Variants in MARK1 observed in about 807,000 individuals in gnomAD.
MARK1 encodes the protein serine/threonine-protein kinase MARK1.
MARK1 carries 40 observed loss-of-function variants against 96.3 expected under a neutral mutation model. That is an observed-to-expected ratio of 0.42 (90% CI 0.32 to 0.54). The LOEUF (loss-of-function observed/expected upper bound fraction) is 0.54, where lower values mean the gene tolerates loss of function less well. Among genes scored for constraint, MARK1 ranks in the 20% least tolerant of loss-of-function variants. The pLI is 0.16. For missense variants in MARK1, 719 were observed against 984.6 expected (o/e 0.73, Z 3.61); for synonymous variants, 317 against 341.2 (o/e 0.93, Z 0.78).
intron 1 of MARK1, among the ~76,000 whole-genome samples, chr1:220,574,559 G>C (rs1215410260): frequency 6.6e-6 from 1 of 152,074 alleles, no homozygotes; most frequent in Non-Finnish European, 1.5e-5. Context: ...TTTGCCCCCA[G>C]CTCGAAACTG....
intron 1 of MARK1, among the ~76,000 whole-genome samples, chr1:220,535,436 G>C (rs1660619235): frequency 6.6e-6 from 1 of 151,888 alleles, no homozygotes; most frequent in East Asian, 1.9e-4. Flanking sequence ...TTTAAATCAA[G>C]TTTGCATATA....
At chr1:220,584,885 T>C (rs943689221) in intron 3 of MARK1, among the ~76,000 whole-genome samples, 2 of 152,230 alleles carry the variant, frequency 1.3e-5, no homozygotes, top group Non-Finnish European at 2.9e-5. Flanking sequence ...ATATACATGC[T>C]ATATAGCATA....
intron 6 of MARK1, among the ~76,000 whole-genome samples, chr1:220,607,869 T>C (rs1666181202): frequency 6.6e-6 from 1 of 152,200 alleles, no homozygotes; most frequent in African/African-American, 2.4e-5. Flanking sequence ...TTGATTTGCG[T>C]ATATTGAACT....
At chr1:220,590,118 C>T (rs1664887571) in intron 3 of MARK1, among the ~76,000 whole-genome samples, 1 of 152,220 alleles carries the variant, frequency 6.6e-6, no homozygotes, top group Admixed American at 6.5e-5. Context: ...ATGCAGAAAA[C>T]TCTGCCATTA....
At chr1:220,568,943 A>G (rs968230762) in intron 1 of MARK1, among the ~76,000 whole-genome samples, 1 of 152,154 alleles carries the variant, frequency 6.6e-6, no homozygotes, top group Non-Finnish European at 1.5e-5. Context: ...TTCTAGCCCA[A>G]GGATTGTGGG....
At chr1:220,549,623 C>T (rs1017661327) in intron 1 of MARK1, among the ~76,000 whole-genome samples, 1 of 152,096 alleles carries the variant, frequency 6.6e-6, no homozygotes, top group East Asian at 1.9e-4. Flanking sequence ...TATCTGCAGG[C>T]GGCTTGGTAA....
chr1:220,640,105 A>G (rs1484019493), intron 13 of MARK1, among the ~76,000 whole-genome samples: 1 of 152,224 alleles, frequency 6.6e-6, no homozygotes, highest in African/African-American at 2.4e-5. Flanking sequence ...GTACTTGAGC[A>G]TTTACAATTC....
chr1:220,545,814 G>A (rs562701417), intron 1 of MARK1, among the ~76,000 whole-genome samples: 10 of 152,094 alleles, frequency 6.6e-5, no homozygotes, highest in Non-Finnish European at 1.3e-4. Flanking sequence ...AAGGGGAGAC[G>A]CCAGTGCTAG....
At chr1:220,633,491 G>C (rs1181369478) in intron 11 of MARK1, among the ~76,000 whole-genome samples, 1 of 152,194 alleles carries the variant, frequency 6.6e-6, no homozygotes, top group Non-Finnish European at 1.5e-5. Context: ...CAGAAACGAT[G>C]CTGTGTACTG....
chr1:220,572,606 G>T (rs2102814822), intron 1 of MARK1, among the ~76,000 whole-genome samples: 1 of 152,262 alleles, frequency 6.6e-6, no homozygotes, highest in East Asian at 1.9e-4. Context: ...ATCTCTGATT[G>T]TGGTTTTGTT....
chr1:220,635,672 C>G (rs1434264786), intron 12 of MARK1, 143 bp downstream of exon 12: 3 of 1,165,568 alleles, frequency 2.6e-6, no homozygotes, highest in Non-Finnish European at 3.6e-6. Flanking sequence ...AATATAATCC[C>G]TTTTGCAGGG....
At chr1:220,661,247 G>C (rs966740496) in intron 17 of MARK1, among the ~76,000 whole-genome samples, 4 of 152,154 alleles carry the variant, frequency 2.6e-5, no homozygotes, top group African/African-American at 9.7e-5. Context: ...GTTGTAGACT[G>C]TTTTAAGGAT....
Position 220,556,506 on chromosome 1 carries a change from AC to A in MARK1, c.52-22847del, listed in dbSNP as rs1558256455. 8.7e-3 allele frequency among the ~76,000 whole-genome samples: 1,310 copies of A among 150,146 alleles called. 19 individuals carry two copies. The highest frequency in any genetic ancestry group is 0.031 in the African/African-American group (1,260 of 40,658). ...GTCACAAAAAAAAAAAAAAAAAAAA[AC>A]AAATTACAGATTTCATGAGGAAACT... On this transcript the variant is annotated intron_variant, in intron 1 of 17. Coordinates refer to ENST00000366917, the MANE Select transcript of MARK1 (RefSeq NM_018650.5).
At chr1:220,585,986 C>T (rs1007422077) in intron 3 of MARK1, among the ~76,000 whole-genome samples, 3 of 15,016 alleles carry the variant, frequency 2.0e-4, no homozygotes, top group East Asian at 0.062. Context: ...CATACGTATA[C>T]ACACACACAC....
At position 220,587,334 on chromosome 1, in the gene MARK1, TCTC is replaced by T. The variant is rs1664704934; in HGVS notation, c.309+6217_309+6219del. Among the ~76,000 whole-genome samples the T allele has an allele frequency of 4.8e-4, 6 of 12,458 alleles. No homozygotes were observed. The Admixed American group carries it at 0.01, about 21-fold the overall frequency. 8.2% of individuals were successfully genotyped at this position (12,458 alleles called of 152,430 possible). On this transcript the variant is annotated intron_variant, in intron 3 of 17. Coordinates refer to ENST00000366917, the MANE Select transcript of MARK1 (RefSeq NM_018650.5). ...CTCCCTCTCTCTCTCTTTCTTTCTC[TCTC>T]TCTCTCTCTCTCTCTGTCTCTCTCT...
rs934799848 is a variant in MARK1 at position 220,658,477 on chromosome 1, A to G, written c.2033+643A>G. Among the ~76,000 whole-genome samples the G allele has an allele frequency of 7.9e-5, 12 of 152,196 alleles. 1 individual carries two copies. The highest frequency in any genetic ancestry group is 7.9e-4 in the Admixed American group (12 of 15,272). ...TGCATTTCTATCAAGTCCCCAGGAG[A>G]TGCTTATGCTGCTGTTCTAGGGACC... On this transcript the variant is annotated intron_variant, in intron 17 of 17. Coordinates refer to ENST00000366917, the MANE Select transcript of MARK1 (RefSeq NM_018650.5).
chr1:220,625,701 G>C, intron 9 of MARK1: 1 of 399,754 alleles, frequency 2.5e-6, no homozygotes, highest in Middle Eastern at 7.0e-4. Context: ...AAACATTACT[G>C]TTGAGACCAA....
At chr1:220,566,223 C>A (rs919111312) in intron 1 of MARK1, among the ~76,000 whole-genome samples, 3 of 152,100 alleles carry the variant, frequency 2.0e-5, no homozygotes, top group Non-Finnish European at 2.9e-5. Flanking sequence ...TAACATTATT[C>A]CTGTTTTCAG....
At chr1:220,644,461 C>CAA (rs1553337133) in intron 13 of MARK1, among the ~76,000 whole-genome samples, 6 of 135,866 alleles carry the variant, frequency 4.4e-5, no homozygotes, top group East Asian at 5.0e-4. Flanking sequence ...CCCCCCCCCC[C>CAA]CACACACACA....
Sources: allele counts gnomAD v4.1 joint callset (sites outside exome capture counted in the v4.1 genomes callset), GRCh38; gene constraint gnomAD v4.1.1; transcripts MANE v1.5; gene names NCBI Gene and HGNC (gene_info 2026-07-23, HGNC 2026-07-21).